Variants in RALGPS1 observed in about 807,000 individuals in gnomAD.
RALGPS1 encodes Ral GEF with PH domain and SH3 binding motif 1.
In RALGPS1, 19 loss-of-function variants were observed where a neutral mutation model predicts 78.8. That is an observed-to-expected ratio of 0.24 (90% CI 0.17 to 0.35). The LOEUF (loss-of-function observed/expected upper bound fraction) is 0.35. RALGPS1 is among the 10% of genes least tolerant of loss of function. RALGPS1 has a pLI of 1.00. For missense variants in RALGPS1, 454 were observed against 688.3 expected (o/e 0.66, Z 3.81); for synonymous variants, 228 against 256.3 (o/e 0.89, Z 1.06).
chr9:127,145,423 G>T (rs988666654), intron 8 of RALGPS1, among the ~76,000 whole-genome samples: 1 of 152,168 alleles, frequency 6.6e-6, no homozygotes, highest in Non-Finnish European at 1.5e-5. Flanking sequence ...GAGGTATCCT[G>T]GTTGGGCTGT....
rs985601329 is a variant in RALGPS1, at chr9:126,965,954, A to G, written c.165+3A>G. On this transcript the variant is annotated splice_donor_region_variant and intron_variant, in intron 3 of 18. Coordinates refer to ENST00000259351, the MANE Select transcript of RALGPS1 (RefSeq NM_014636.3). ...AAGTGACCCCAGAGGAGTTTGCTGT[A>G]AGTGAAACAGGGCTGGTGTGGGTGG... 2 of 1,612,530 alleles carry G rather than the reference A, an allele frequency of 1.2e-6. No individual in the cohort carries two copies. Among genetic ancestry groups the G allele is most frequent in the African/African-American group, 2.7e-5 (2 of 74,900 alleles).
chr9:126,936,613 G>A (rs2036282524), intron 1 of RALGPS1, among the ~76,000 whole-genome samples: 2 of 152,080 alleles, frequency 1.3e-5, no homozygotes, highest in Non-Finnish European at 2.9e-5. Context: ...AAGACAGTGG[G>A]CTGGTATCTC....
intron 14 of RALGPS1, among the ~76,000 whole-genome samples, chr9:127,199,953 A>G (rs929439251): frequency 6.9e-6 from 1 of 143,924 alleles, no homozygotes. Context: ...CCCTACACAC[A>G]CATATACCCA....
rs1383418974 is a variant in RALGPS1, at chr9:127,183,992, TCTG to T, written c.910+9216_910+9218del. 6.5e-7 allele frequency: 1 copy of T among 1,550,074 alleles called. No individual in the cohort carries two copies. Among genetic ancestry groups the T allele is most frequent in the African/African-American group, 1.4e-5 (1 of 72,972 alleles). On this transcript the variant is annotated intron_variant, in intron 11 of 18. Coordinates refer to ENST00000259351, the MANE Select transcript of RALGPS1 (RefSeq NM_014636.3). The surrounding 1 kb of genome is among the most constrained non-coding windows in gnomAD (Gnocchi z 4.0). ...ACGAGTACCAGCGGCTCCCCCAGCA[TCTG>T]CTGCTCCGCGCTCCCCGTGGCCTAG...
intron 11 of RALGPS1, among the ~76,000 whole-genome samples, chr9:127,191,320 C>G (rs2061017538): frequency 6.6e-6 from 1 of 152,184 alleles, no homozygotes; most frequent in Admixed American, 6.5e-5. Flanking sequence ...TAATGATTGT[C>G]TCCTATTTTT....
At chr9:127,172,534 A>C (rs1398866866) in intron 10 of RALGPS1, among the ~76,000 whole-genome samples, 1 of 152,184 alleles carries the variant, frequency 6.6e-6, no homozygotes, top group Non-Finnish European at 1.5e-5. Context: ...TCTCTCTTCC[A>C]GGGATTCCAG....
chr9:126,944,208 G>T (rs558580021), intron 1 of RALGPS1, among the ~76,000 whole-genome samples: 113 of 152,342 alleles, frequency 7.4e-4, no homozygotes, highest in Middle Eastern at 3.4e-3. Flanking sequence ...TCAAGCAGAG[G>T]CCCTAGTTCA....
At chr9:127,182,092 C>T (rs1028302152) in intron 11 of RALGPS1, among the ~76,000 whole-genome samples, 60 of 151,208 alleles carry the variant, frequency 4.0e-4, no homozygotes, top group African/African-American at 1.5e-3. Flanking sequence ...AATCCTGGAA[C>T]TTTGAGAGGC....
intron 1 of RALGPS1, among the ~76,000 whole-genome samples, chr9:126,918,307 G>A (rs573745956): frequency 6.6e-6 from 1 of 152,272 alleles, no homozygotes; most frequent in South Asian, 2.1e-4. Flanking sequence ...TTTGGGAAAG[G>A]CCCAGTAATA....
At chr9:127,045,732 C>T (rs1004614358) in intron 5 of RALGPS1, among the ~76,000 whole-genome samples, 35 of 38,678 alleles carry the variant, frequency 9.0e-4, no homozygotes, top group African/African-American at 2.4e-3. Flanking sequence ...TGGGTTAGTA[C>T]ACACACACAC....
At chr9:126,959,384 G>A (rs1310669352) in intron 1 of RALGPS1, among the ~76,000 whole-genome samples, 2 of 152,078 alleles carry the variant, frequency 1.3e-5, no homozygotes, top group Non-Finnish European at 2.9e-5. Flanking sequence ...TTTGTGAAAT[G>A]TCTGTTCAAA....
At chr9:126,966,734 C>T (rs2039538865) in intron 3 of RALGPS1, among the ~76,000 whole-genome samples, 1 of 151,460 alleles carries the variant, frequency 6.6e-6, no homozygotes, top group Non-Finnish European at 1.5e-5. Context: ...TTATAACAAC[C>T]ATTTTCTACA....
intron 4 of RALGPS1, among the ~76,000 whole-genome samples, chr9:126,982,516 C>A (rs1378998865): frequency 6.6e-6 from 1 of 152,204 alleles, no homozygotes. Context: ...CAACAACCAC[C>A]ATTTTTGAAC....
chr9:126,974,641 C>T (rs528224751), intron 3 of RALGPS1, among the ~76,000 whole-genome samples: 1 of 152,184 alleles, frequency 6.6e-6, no homozygotes, highest in South Asian at 2.1e-4. Context: ...CTTAAGGAAG[C>T]CATTGCCAGG....
chr9:127,068,881 C>T (rs1166356156), intron 7 of RALGPS1, among the ~76,000 whole-genome samples: 1 of 152,166 alleles, frequency 6.6e-6, no homozygotes, highest in Non-Finnish European at 1.5e-5. Context: ...AGGGTGGTAA[C>T]TTTCAGGCCA....
rs2062782330 is a variant in RALGPS1, at chr9:127,221,865, AC to A, written c.*3097del. 1 of 152,224 alleles carries A rather than the reference AC, an allele frequency of 6.6e-6. No homozygotes were observed. The highest frequency in any genetic ancestry group is 2.4e-5 in the African/African-American group (1 of 41,450). The allele number at this position is 152,224 out of a possible 1,614,324, so 9.4% of individuals were successfully genotyped here. Reference sequence around the variant, plus strand: ...TGAAACAGGAAGCCACTTGCAAGCAACATCTGCTCTGTTCCTCAGGTGGGGC... The same window carrying A: ...TGAAACAGGAAGCCACTTGCAAGCAAATCTGCTCTGTTCCTCAGGTGGGGC... On this transcript the variant is annotated 3_prime_UTR_variant, in exon 19 of 19. Coordinates refer to ENST00000259351, the MANE Select transcript of RALGPS1 (RefSeq NM_014636.3).
At chr9:127,103,390 C>T (rs1032761147) in intron 8 of RALGPS1, among the ~76,000 whole-genome samples, 2 of 152,138 alleles carry the variant, frequency 1.3e-5, no homozygotes, top group African/African-American at 4.8e-5. Flanking sequence ...CTCATGTGGT[C>T]CCAAGGGAAG....
In RALGPS1 at chr9:127,168,661, G is replaced by C. The variant is rs1412895732; in HGVS notation, c.749-18G>C. The C allele has an allele frequency of 1.9e-6, 3 of 1,567,956 alleles. No individual in the cohort carries two copies. In the South Asian group the frequency reaches 3.3e-5, roughly 17 times the overall value. ...ATGGGAGAGCCTAAAGTTTCTGGAT[G>C]TGGTCCACCTTTTGCAGATCACCTC... On this transcript the variant is annotated intron_variant, in intron 9 of 18. Coordinates refer to ENST00000259351, the MANE Select transcript of RALGPS1 (RefSeq NM_014636.3).
At chr9:126,995,772 T>A (rs111882434) in intron 4 of RALGPS1, among the ~76,000 whole-genome samples, 6 of 152,154 alleles carry the variant, frequency 3.9e-5, no homozygotes, top group Non-Finnish European at 5.9e-5. Flanking sequence ...ACTGACCACA[T>A]AGTTGGAAGT....
Sources: allele counts gnomAD v4.1 joint callset (sites outside exome capture counted in the v4.1 genomes callset), GRCh38; gene constraint gnomAD v4.1.1; non-coding constraint Gnocchi (gnomAD v3.1); transcripts MANE v1.5; gene names NCBI Gene and HGNC (gene_info 2026-07-23, HGNC 2026-07-21).